Variants in PRUNE2 observed in about 807,000 individuals in gnomAD.
The protein encoded by PRUNE2 is protein prune homolog 2.
In PRUNE2, 164 loss-of-function variants were observed where a neutral mutation model predicts 252.0. That is an observed-to-expected ratio of 0.65 (90% CI 0.57 to 0.74). PRUNE2 has a LOEUF of 0.74. PRUNE2 is among the 30% of genes least tolerant of loss of function. PRUNE2 has a pLI of 0.00. For missense variants in PRUNE2, 3,495 were observed against 3,711.0 expected, an observed-to-expected ratio of 0.94 and a Z score of 1.51; for synonymous variants, 1,292 against 1,350.2, an observed-to-expected ratio of 0.96 and a Z score of 0.94.
At chr9:76,730,704 A>C (rs141360241) in intron 6 of PRUNE2, among the ~76,000 whole-genome samples, 3,440 of 152,292 alleles carry the variant, frequency 0.023, 126 homozygotes, top group African/African-American at 0.077. Flanking sequence ...GTTCAAGACC[A>C]GCCTGACCAA....
At chr9:76,853,445 T>G (rs564867093) in intron 2 of PRUNE2, among the ~76,000 whole-genome samples, 1 of 152,348 alleles carries the variant, frequency 6.6e-6, no homozygotes, top group South Asian at 2.1e-4. Context: ...CATGAGCTCA[T>G]GAATTTTATA....
intron 1 of PRUNE2, among the ~76,000 whole-genome samples, chr9:76,895,329 G>A (rs1389640254): frequency 6.6e-6 from 1 of 152,082 alleles, no homozygotes; most frequent in African/African-American, 2.4e-5. Context: ...CTCACATCTT[G>A]TACGTGCTGA....
At chr9:76,781,584 T>C (rs73653209) in intron 6 of PRUNE2, among the ~76,000 whole-genome samples, 10,676 of 152,268 alleles carry the variant, frequency 0.07, 1,010 homozygotes, top group African/African-American at 0.22. Flanking sequence ...ATAGGTTATA[T>C]ACATTTTCTT....
chr9:76,617,523 A>G (rs979795663), intron 18 of PRUNE2, among the ~76,000 whole-genome samples: 3 of 152,088 alleles, frequency 2.0e-5, no homozygotes, highest in Non-Finnish European at 4.4e-5. Context: ...GAAAAAAAAA[A>G]AAAATTCTTG....
At chr9:76,789,296 C>T (rs2055327937) in intron 6 of PRUNE2, among the ~76,000 whole-genome samples, 1 of 152,168 alleles carries the variant, frequency 6.6e-6, no homozygotes, top group South Asian at 2.1e-4. Flanking sequence ...GTAACCATAG[C>T]AATCACTATT....
intron 14 of PRUNE2, among the ~76,000 whole-genome samples, chr9:76,636,887 C>T (rs1307512539): frequency 3.3e-5 from 5 of 151,898 alleles, no homozygotes; most frequent in South Asian, 4.2e-4. Flanking sequence ...ACCCAGGAGG[C>T]GGAGGTTGCC....
chr9:76,670,198 C>A (rs1258174657), intron 9 of PRUNE2, among the ~76,000 whole-genome samples: 1 of 152,042 alleles, frequency 6.6e-6, no homozygotes, highest in South Asian at 2.1e-4. Context: ...GTGCGCGCAC[C>A]GTGCGCGAGC....
intron 6 of PRUNE2, among the ~76,000 whole-genome samples, chr9:76,789,080 CAA>C (rs1287014242): frequency 1.3e-5 from 2 of 152,168 alleles, no homozygotes; most frequent in East Asian, 1.9e-4. Flanking sequence ...TTCAGATGGA[CAA>C]TAGATATGTT....
chr9:76,726,498 T>A (rs943709058), intron 6 of PRUNE2, among the ~76,000 whole-genome samples: 1 of 152,232 alleles, frequency 6.6e-6, no homozygotes, highest in Non-Finnish European at 1.5e-5. Flanking sequence ...GGGAGAATCA[T>A]GATGCTTGGA....
intron 5 of PRUNE2, 108 bp from the exon 6 acceptor site, chr9:76,823,834 C>A: frequency 1.5e-6 from 1 of 669,776 alleles, no homozygotes; most frequent in East Asian, 2.6e-5. Flanking sequence ...ATTCTTTGCC[C>A]CTCAAATGTC....
At chr9:76,884,345 A>G (rs565069932) in intron 1 of PRUNE2, among the ~76,000 whole-genome samples, 1 of 152,298 alleles carries the variant, frequency 6.6e-6, no homozygotes, top group South Asian at 2.1e-4. Flanking sequence ...AACTAGAAAA[A>G]TAGCCACAGT....
At chr9:76,638,349 G>C in intron 12 of PRUNE2, 61 bp from the exon 13 acceptor site, 1 of 1,091,200 alleles carries the variant, frequency 9.2e-7, no homozygotes, top group South Asian at 1.3e-5. Flanking sequence ...GGTAATATCT[G>C]ACCTAATGGA....
At chr9:76,771,400 A>G (rs1306367059) in intron 6 of PRUNE2, among the ~76,000 whole-genome samples, 1 of 152,206 alleles carries the variant, frequency 6.6e-6, no homozygotes, top group Non-Finnish European at 1.5e-5. Context: ...CATGCACTTA[A>G]TAAGTCCTAC....
At position 76,710,761 on chromosome 9, in the gene PRUNE2, G is replaced by A; in HGVS notation, c.1513C>T (p.Gln505Ter). The A allele has an allele frequency of 6.2e-7, 1 of 1,608,166 alleles. No homozygotes were observed. Among genetic ancestry groups the A allele is most frequent in the Non-Finnish European group, 8.5e-7 (1 of 1,177,482 alleles). Residue 505 changes from glutamine to a stop codon, truncating the protein, a stop_gained, in exon 8 of 19, where the codon CAG (glutamine) becomes TAG (stop). Transcript: ENST00000376718. LOFTEE classifies it high-confidence loss of function. ...NFDPAPMASG[Q>*]SQQSSHSADY... Reference sequence around the variant, plus strand: ...GCAGAATGAGAAGATTGCTGGGACTGCCCAGAAGCCATGGGTGCTGGGTCA... The same window carrying A: ...GCAGAATGAGAAGATTGCTGGGACTACCCAGAAGCCATGGGTGCTGGGTCA...
chr9:76,669,866 A>G (rs1198908689), intron 9 of PRUNE2, among the ~76,000 whole-genome samples: 3 of 152,134 alleles, frequency 2.0e-5, no homozygotes, highest in Non-Finnish European at 4.4e-5. Flanking sequence ...CTCACATGGA[A>G]TGGGTTGAGT....
In PRUNE2 at chr9:76,709,092, T is replaced by A. The variant is rs370194583; in HGVS notation, c.3182A>T (p.Asp1061Val). ...ATCCTCCATGGAGATATTCTTACCA[T>A]CTGTGTGCTCTGTCTTGAGTTCATT... is the stretch of plus-strand genomic sequence containing the variant. ...DENELKTEHT[D>V]GKNISMEDDV... is the part of the protein sequence containing the mutation. The change falls in exon 8 of 19, where the codon GAT (aspartate) becomes GTT (valine). Residue 1061 changes from aspartate to valine, a missense_variant. Transcript: ENST00000376718. 1 of 1,613,884 alleles carries A rather than the reference T, an allele frequency of 6.2e-7. No homozygotes were observed. The highest frequency in any genetic ancestry group is 8.5e-7 in the Non-Finnish European group (1 of 1,179,892).
chr9:76,890,459 T>C (rs1303428543), intron 1 of PRUNE2, among the ~76,000 whole-genome samples: 2 of 152,244 alleles, frequency 1.3e-5, no homozygotes, highest in Non-Finnish European at 2.9e-5. Context: ...TGCTCTGTCT[T>C]TAAAATAAAG....
intron 6 of PRUNE2, among the ~76,000 whole-genome samples, chr9:76,716,631 T>G (rs984503812): frequency 2.0e-5 from 3 of 152,234 alleles, no homozygotes; most frequent in African/African-American, 7.2e-5. Flanking sequence ...TATTTTCTTT[T>G]TCTTTATTTT....
chr9:76,785,945 A>T (rs1220942063), intron 6 of PRUNE2: 1 of 152,204 alleles, frequency 6.6e-6, no homozygotes, highest in Non-Finnish European at 1.5e-5. Flanking sequence ...AGCAGCTGGA[A>T]ATGGACAACC....
Sources: allele counts gnomAD v4.1 joint callset (sites outside exome capture counted in the v4.1 genomes callset), GRCh38; gene constraint gnomAD v4.1.1; transcripts MANE v1.5; gene names NCBI Gene and HGNC (gene_info 2026-07-23, HGNC 2026-07-21).